ACAD8: variants seen among roughly 807,000 people sequenced by gnomAD.
ACAD8 encodes isobutyryl-CoA dehydrogenase, mitochondrial.
Under a neutral mutation model 53.1 loss-of-function variants are expected in ACAD8, and 47 were observed. The ratio of observed to expected loss-of-function variants is 0.89; its 90% CI spans 0.70 to 1.13. The LOEUF is 1.13. Ranked by LOEUF, ACAD8 falls within the 50% of genes most tolerant of loss-of-function variation. The pLI is 0.00. For missense variants in ACAD8, 494 were observed against 535.0 expected, an observed-to-expected ratio of 0.92 and a Z score of 0.76; for synonymous variants, 198 against 201.3, an observed-to-expected ratio of 0.98 and a Z score of 0.14.
In ACAD8 at chr11:134,261,866, C is replaced by G. The variant is rs1206030578; in HGVS notation, c.1068C>G (p.Leu356=). The G allele has an allele frequency of 6.2e-7, 1 of 1,614,162 alleles. No individual in the cohort carries two copies. Among genetic ancestry groups the G allele is most frequent in the Non-Finnish European group, 8.5e-7 (1 of 1,180,032 alleles). Residue 356 remains leucine, a synonymous_variant, in exon 9 of 11, where the codon CTC becomes CTG. Coordinates refer to ENST00000281182, the MANE Select transcript of ACAD8 (RefSeq NM_014384.3). The surrounding 1 kb of genome is among the most constrained non-coding windows in gnomAD (Gnocchi z 4.2). ...DAVALCSMAK[L]FATDECFAIC... is the part of the protein sequence containing the mutation. ...TGGCCTTGTGCTCCATGGCCAAGCT[C>G]TTTGCTACAGATGAATGCTTTGCCG...
intron 10 of ACAD8, chr11:134,263,638 G>A (rs899299500): frequency 9.1e-6 from 9 of 985,312 alleles, no homozygotes; most frequent in South Asian, 4.7e-5. Flanking sequence ...CTGAATTCCC[G>A]AGAGTCGTTT....
intron 1 of ACAD8, among the ~76,000 whole-genome samples, chr11:134,254,707 G>A (rs1008809322): frequency 5.9e-5 from 9 of 152,218 alleles, no homozygotes; most frequent in African/African-American, 1.7e-4. Flanking sequence ...TTATTTAGAG[G>A]TGGGTTTTGT....
chr11:134,258,217 A>G (rs2136078280), intron 3 of ACAD8: 6 of 432,704 alleles, frequency 1.4e-5, no homozygotes, highest in Non-Finnish European at 2.2e-5. Context: ...AGAAACTACT[A>G]ATAGAAAGCA....
intron 2 of ACAD8, 182 bp from the exon 3 acceptor site, chr11:134,256,906 T>C: frequency 1.4e-6 from 1 of 701,924 alleles, no homozygotes; most frequent in Non-Finnish European, 2.4e-6. Flanking sequence ...AACTTCTTAA[T>C]GCCAGAACAA....
At position 134,259,621 on chromosome 11, in the gene ACAD8, G is replaced by A; in HGVS notation, c.581G>A (p.Gly194Asp). ...ILNGSKAFIS[G>D]AGESDIYVVM... Reference sequence around the variant, plus strand: ...TTACCCCCACAGGCCTTCATCAGTGGTGCTGGTGAGTCAGACATCTATGTG... The same window carrying A: ...TTACCCCCACAGGCCTTCATCAGTGATGCTGGTGAGTCAGACATCTATGTG... The change falls in exon 6 of 11, where the codon GGT becomes GAT. Residue 194 changes from glycine (G) to aspartate (D), a missense_variant. By Grantham distance (94) the Gly-to-Asp change is moderately conservative. Transcript: ENST00000281182. 2.5e-6 allele frequency: 4 copies of A among 1,614,188 alleles called. No homozygotes were observed. Among genetic ancestry groups the A allele is most frequent in the Non-Finnish European group, 2.5e-6 (3 of 1,180,034 alleles).
At position 134,261,639 on chromosome 11, in the gene ACAD8, T is replaced by C. The variant is rs748064018; in HGVS notation, c.940-99T>C. On this transcript the variant is annotated intron_variant, in intron 8 of 10. Transcript: ENST00000281182. The surrounding 1 kb of genome is among the most constrained non-coding windows in gnomAD (Gnocchi z 4.2). The stretch of plus-strand genomic sequence containing the variant: ...AAGAGACTTTGAAGCTTTGGATCAC[T>C]TAGAAAAGGCGCCTCCGAGATGTCT... 4 of 1,588,858 alleles carry C rather than the reference T, an allele frequency of 2.5e-6. No individual in the cohort carries two copies. The Admixed American group carries it at 6.9e-5, about 28-fold the overall frequency.
rs779257642 is a variant in ACAD8 at position 134,257,056 on chromosome 11, C to T, written c.211-32C>T. ...AAAAGGAAGGCCGTCTCTGAATCAG[C>T]TGCTGATCACCCTGCTCTCTTTTGT... On this transcript the variant is annotated intron_variant, in intron 2 of 10. Coordinates refer to ENST00000281182, the MANE Select transcript of ACAD8 (RefSeq NM_014384.3). 3 of 1,613,726 alleles carry T rather than the reference C, an allele frequency of 1.9e-6. No homozygotes were observed. The African/African-American group carries it at 4.0e-5, about 22-fold the overall frequency.
intron 3 of ACAD8, 39 bp from the exon 4 acceptor site, chr11:134,258,476 A>G (rs1380382065): frequency 1.4e-6 from 2 of 1,450,616 alleles, no homozygotes; most frequent in African/African-American, 2.9e-5. Context: ...TTCCATCTTT[A>G]TTTCTGTCAT....
At chr11:134,259,528 A>T in intron 5 of ACAD8, 80 bp from the exon 6 acceptor site, 2 of 1,587,646 alleles carry the variant, frequency 1.3e-6, no homozygotes, top group Non-Finnish European at 1.7e-6. Context: ...CCTTATTGTC[A>T]GGAGGACCCA....
At chr11:134,258,770 C>A in intron 4 of ACAD8, 146 bp downstream of exon 4, 2 of 761,692 alleles carry the variant, frequency 2.6e-6, no homozygotes, top group Non-Finnish European at 4.5e-6. Context: ...GTCCTGTGAC[C>A]TGATGTCACA....
rs1467028939 is a variant in ACAD8, at chr11:134,258,283, T to A, written c.381-232T>A. On this transcript the variant is annotated intron_variant, in intron 3 of 10. Transcript: ENST00000281182. ...AACCTAACTAGAAGTAGTACAAACG[T>A]GCTGGTGAGAAGTACCTCAGCCTGG... 9 of 581,738 alleles carry A rather than the reference T, an allele frequency of 1.5e-5. No homozygotes were observed. In the African/African-American group the frequency reaches 1.7e-4, roughly 11 times the overall value. The allele number at this position is 581,738 out of a possible 1,614,324, so 36.0% of individuals were successfully genotyped here.
At chr11:134,256,989 C>A in intron 2 of ACAD8, 99 bp from the exon 3 acceptor site, 1 of 1,237,774 alleles carries the variant, frequency 8.1e-7, no homozygotes, top group Non-Finnish European at 1.2e-6. Flanking sequence ...AATTCATACG[C>A]TGTCGCATGT....
chr11:134,262,830 A>G (rs1483650741), intron 10 of ACAD8: 1 of 1,451,000 alleles, frequency 6.9e-7, no homozygotes, highest in South Asian at 1.2e-5. Context: ...GGGGGGCCTC[A>G]GATCGCTCTG....
intron 10 of ACAD8, chr11:134,264,156 C>T: frequency 1.6e-6 from 1 of 625,274 alleles, no homozygotes; most frequent in Non-Finnish European, 2.0e-6. Flanking sequence ...ACCAGCTTGG[C>T]CAACCCGGTG....
chr11:134,262,417 G>C lies in ACAD8; in HGVS notation c.1093-103G>C, dbSNP rs61909716. 3,843 of 761,974 alleles carry C rather than the reference G, an allele frequency of 5.0e-3. 17 individuals carry two copies. Among genetic ancestry groups the C allele is most frequent in the Non-Finnish European group, 7.2e-3 (3,153 of 436,292 alleles). 47.2% of individuals were successfully genotyped at this position (761,974 alleles called of 1,614,324 possible). A position where few individuals can be genotyped will look rare whatever the true frequency, so the allele number is the denominator to read the frequency against. On this transcript the variant is annotated intron_variant, in intron 9 of 10. Coordinates refer to ENST00000281182, the MANE Select transcript of ACAD8 (RefSeq NM_014384.3). Reference sequence around the variant, plus strand: ...CTTGGCTGTTTGTGGTTCTTTCATGGGTTTATGGCGGGCTGCCAGATCGTG... The same window carrying C: ...CTTGGCTGTTTGTGGTTCTTTCATGCGTTTATGGCGGGCTGCCAGATCGTG...
intron 1 of ACAD8, among the ~76,000 whole-genome samples, 171 bp from the exon 2 acceptor site, chr11:134,256,377 A>G (rs1016303556): frequency 6.6e-6 from 1 of 152,208 alleles, no homozygotes; most frequent in African/African-American, 2.4e-5. Flanking sequence ...TCTCCATATG[A>G]CAAGTGGAAT....
intron 5 of ACAD8, chr11:134,259,329 C>T (rs942139810): frequency 3.0e-6 from 2 of 667,992 alleles, no homozygotes; most frequent in Non-Finnish European, 5.3e-6. Context: ...CTCTGATCTG[C>T]AGTCACTGCA....
chr11:134,265,777 A>T lies in ACAD8; in HGVS notation c.*817A>T, dbSNP rs890696282. ...TTCTACTATAGTTGATTTTTATTTT[A>T]AATGTTTAATTGTATTTGATTAAAC... On this transcript the variant is annotated 3_prime_UTR_variant, in exon 11 of 11. Transcript: ENST00000281182. 3 of 152,206 alleles carry T rather than the reference A, an allele frequency of 2.0e-5. No homozygotes were observed. The highest frequency in any genetic ancestry group is 4.4e-5 in the Non-Finnish European group (3 of 68,028). The allele number at this position is 152,206 out of a possible 1,614,324, so 9.4% of individuals were successfully genotyped here.
intron 5 of ACAD8, 64 bp downstream of exon 5, chr11:134,259,148 T>G (rs558428113): frequency 6.8e-7 from 1 of 1,462,138 alleles, no homozygotes; most frequent in Admixed American, 1.7e-5. Flanking sequence ...TGACATCCTC[T>G]GGTTCCTTCA....
Sources: allele counts gnomAD v4.1 joint callset (sites outside exome capture counted in the v4.1 genomes callset), GRCh38; gene constraint gnomAD v4.1.1; non-coding constraint Gnocchi (gnomAD v3.1); transcripts MANE v1.5; gene names NCBI Gene and HGNC (gene_info 2026-07-23, HGNC 2026-07-21).